The following CTNNA2 variants were observed in gnomAD, a reference collection of about 807,000 sequenced individuals.
The protein encoded by CTNNA2 is catenin alpha-2.
A neutral mutation model predicts 101.0 loss-of-function variants in CTNNA2; 42 were observed. That is an observed-to-expected ratio of 0.42 (90% CI 0.32 to 0.54). CTNNA2 has a LOEUF of 0.54. Ranked by LOEUF, CTNNA2 falls within the 20% of genes least tolerant of loss-of-function variation. The probability of loss-of-function intolerance (pLI) is 0.14; values close to 1 mark genes in which losing one functional copy is unlikely to be tolerated. For missense variants in CTNNA2, 871 were observed against 1,223.1 expected (o/e 0.71, Z 4.29); for synonymous variants, 450 against 456.4 (o/e 0.99, Z 0.18).
chr2:79,384,993 A>G (rs1377995121), intron 4 of CTNNA2, among the ~76,000 whole-genome samples: 3 of 152,234 alleles, frequency 2.0e-5, no homozygotes, highest in African/African-American at 4.8e-5. Context: ...TTAAATGCCT[A>G]TCACAGAATG....
intron 6 of CTNNA2, among the ~76,000 whole-genome samples, chr2:79,892,800 G>T (rs1302963843): frequency 4.6e-5 from 7 of 152,202 alleles, no homozygotes; most frequent in Non-Finnish European, 5.9e-5. Context: ...AATATTGGAA[G>T]TTCCCACTGC....
chr2:80,331,252 G>A (rs1286904924), intron 7 of CTNNA2, among the ~76,000 whole-genome samples: 2 of 152,252 alleles, frequency 1.3e-5, no homozygotes, highest in Admixed American at 6.5e-5. Flanking sequence ...GCGGTACCAC[G>A]CCAGACATAC....
intron 7 of CTNNA2, among the ~76,000 whole-genome samples, chr2:80,215,964 G>C (rs1057379653): frequency 1.3e-5 from 2 of 152,174 alleles, no homozygotes; most frequent in African/African-American, 4.8e-5. Flanking sequence ...AGCAATGGCA[G>C]ACACCCCTCC....
intron 2 of CTNNA2, among the ~76,000 whole-genome samples, chr2:79,277,880 T>C (rs72915200): frequency 6.6e-6 from 1 of 151,994 alleles, no homozygotes; most frequent in African/African-American, 2.4e-5. Flanking sequence ...CTAATCTGCA[T>C]TTTTCAAACT....
intron 7 of CTNNA2, among the ~76,000 whole-genome samples, chr2:80,136,777 A>C (rs1247400274): frequency 6.6e-6 from 1 of 152,140 alleles, no homozygotes; most frequent in African/African-American, 2.4e-5. Context: ...GCCACATACT[A>C]TGTTTATTAA....
intron 15 of CTNNA2, among the ~76,000 whole-genome samples, chr2:80,602,411 G>A (rs1450266669): frequency 2.0e-5 from 3 of 151,992 alleles, no homozygotes; most frequent in Non-Finnish European, 2.9e-5. Context: ...CATTTTCCAA[G>A]ATCCTTTGAA....
At chr2:80,317,683 A>G (rs1173182974) in intron 7 of CTNNA2, among the ~76,000 whole-genome samples, 4 of 152,176 alleles carry the variant, frequency 2.6e-5, no homozygotes, top group Non-Finnish European at 2.9e-5. Context: ...TAGAAAAAGA[A>G]CAGAACAGAA....
At chr2:80,027,757 C>T (rs546596329) in intron 7 of CTNNA2, among the ~76,000 whole-genome samples, 1 of 151,810 alleles carries the variant, frequency 6.6e-6, no homozygotes, top group Admixed American at 6.6e-5. Flanking sequence ...TGCATGAGGC[C>T]AGGAGTTCCA....
chr2:79,471,246 C>A (rs114393487), intron 4 of CTNNA2, among the ~76,000 whole-genome samples: 20 of 152,208 alleles, frequency 1.3e-4, no homozygotes, highest in African/African-American at 4.6e-4. Flanking sequence ...TGAATTGCTG[C>A]CATTATATGT....
chr2:80,182,757 T>TGTGCAGTTGAGGACA (rs2148983428), intron 7 of CTNNA2, among the ~76,000 whole-genome samples: 1 of 152,306 alleles, frequency 6.6e-6, no homozygotes, highest in South Asian at 2.1e-4. Flanking sequence ...AAGCCAGCTA[T>TGTGCAGTTGAGGACA]GTGCAGTTGA....
chr2:80,324,506 C>T (rs1347359789), intron 7 of CTNNA2, among the ~76,000 whole-genome samples: 1 of 152,100 alleles, frequency 6.6e-6, no homozygotes, highest in African/African-American at 2.4e-5. Context: ...CAGCCAGCAG[C>T]TATTTATTAA....
intron 4 of CTNNA2, among the ~76,000 whole-genome samples, chr2:79,439,668 A>G (rs997759791): frequency 6.6e-6 from 1 of 152,188 alleles, no homozygotes; most frequent in Admixed American, 6.6e-5. Flanking sequence ...GTGGGGCCTG[A>G]TATTCTGGGT....
intron 9 of CTNNA2, among the ~76,000 whole-genome samples, chr2:80,517,350 A>G (rs1689185731): frequency 6.6e-6 from 1 of 152,128 alleles, no homozygotes; most frequent in Admixed American, 6.5e-5. Flanking sequence ...CCACGGATGG[A>G]TTTGCTCAGG....
intron 2 of CTNNA2, among the ~76,000 whole-genome samples, chr2:79,297,671 CTCTCTA>C (rs1253610649): frequency 6.6e-6 from 1 of 152,170 alleles, no homozygotes; most frequent in African/African-American, 2.4e-5. Context: ...AACTATTTAT[CTCTCTA>C]TCTATATCTA....
At chr2:80,616,102 A>T (rs1698831675) in intron 17 of CTNNA2, among the ~76,000 whole-genome samples, 1 of 151,554 alleles carries the variant, frequency 6.6e-6, no homozygotes, top group South Asian at 2.1e-4. Flanking sequence ...ATTGACTGGA[A>T]CTCTGGCTAG....
At chr2:80,175,968 C>G (rs1705369960) in intron 7 of CTNNA2, among the ~76,000 whole-genome samples, 1 of 152,186 alleles carries the variant, frequency 6.6e-6, no homozygotes, top group Non-Finnish European at 1.5e-5. Context: ...CTGCTTTTAT[C>G]CTAGCTGTGC....
intron 9 of CTNNA2, among the ~76,000 whole-genome samples, chr2:80,443,301 C>G (rs1393452442): frequency 6.6e-6 from 1 of 152,142 alleles, no homozygotes; most frequent in Non-Finnish European, 1.5e-5. Context: ...GATTTTCAAC[C>G]CATAATAGTA....
intron 9 of CTNNA2, among the ~76,000 whole-genome samples, chr2:80,485,300 C>T (rs775981491): frequency 1.3e-5 from 2 of 152,006 alleles, no homozygotes. Context: ...CATCCCTGTG[C>T]CAGGAAGGAA....
At position 80,405,700 on chromosome 2, in the gene CTNNA2, A is replaced by C. The variant is rs1242144169; in HGVS notation, c.1137+12409A>C. Among the ~76,000 whole-genome samples the C allele has an allele frequency of 3.3e-5, 5 of 152,294 alleles. No individual in the cohort carries two copies. In the South Asian group the frequency reaches 8.3e-4, roughly 25 times the overall value. On this transcript the variant is annotated intron_variant, in intron 8 of 18. Coordinates refer to ENST00000402739, the MANE Select transcript of CTNNA2 (RefSeq NM_001282597.3). The stretch of plus-strand genomic sequence containing the variant: ...GCTGGGGGAATATCTGATTAAATGC[A>C]TATCAGGAGACTAGCAGACTTGCCT...
Sources: allele counts gnomAD v4.1 joint callset (sites outside exome capture counted in the v4.1 genomes callset), GRCh38; gene constraint gnomAD v4.1.1; transcripts MANE v1.5; gene names NCBI Gene and HGNC (gene_info 2026-07-23, HGNC 2026-07-21).